Variants in CRYM observed in about 807,000 individuals in gnomAD.
CRYM encodes the protein ketimine reductase mu-crystallin.
CRYM carries 18 observed loss-of-function variants against 32.9 expected under a neutral mutation model. That is an observed-to-expected ratio of 0.55 (90% confidence interval 0.38 to 0.81). CRYM has a LOEUF of 0.81. Ranked by LOEUF, CRYM falls within the 30% of genes least tolerant of loss-of-function variation. The probability of loss-of-function intolerance (pLI) is 0.00; values close to 1 mark genes in which losing one functional copy is unlikely to be tolerated. For synonymous variants in CRYM, 153 were observed against 152.4 expected (o/e 1.00, Z -0.03); for missense variants, 337 against 393.5 (o/e 0.86, Z 1.21).
chr16:21,262,249 T>G, intron 5 of CRYM, 91 bp from the exon 6 acceptor site: 1 of 1,524,782 alleles, frequency 6.6e-7, no homozygotes, highest in Non-Finnish European at 9.0e-7. Context: ...AACAAAGGAC[T>G]CGTGAACACA....
At position 21,277,414 on chromosome 16, in the gene CRYM, G is replaced by A; in HGVS notation, c.324+17C>T. On this transcript the variant is annotated intron_variant, in intron 2 of 7. Transcript: ENST00000572914. The surrounding 1 kb of genome is among the most constrained non-coding windows in gnomAD (Gnocchi z 4.2). Reference sequence around the variant, plus strand: ...GCCCAGGGGCCCCATTCCACCCCGGGACAGGAAGTTGCTCACCGCCAGCAG... The same window carrying A: ...GCCCAGGGGCCCCATTCCACCCCGGAACAGGAAGTTGCTCACCGCCAGCAG... 1 of 1,611,858 alleles carries A rather than the reference G, an allele frequency of 6.2e-7. No homozygotes were observed.
At chr16:21,280,501 G>A (rs1474240061), upstream of CRYM, among the ~76,000 whole-genome samples, 1 of 152,106 alleles carries the variant, frequency 6.6e-6, no homozygotes, top group Non-Finnish European at 1.5e-5. Flanking sequence ...CAGCCATGAT[G>A]GGATGGCAAA....
At chr16:21,270,049 C>G (rs1347036795) in intron 3 of CRYM, among the ~76,000 whole-genome samples, 158 bp from the exon 4 acceptor site, 1 of 152,102 alleles carries the variant, frequency 6.6e-6, no homozygotes, top group Admixed American at 6.5e-5. Flanking sequence ...TCTAGTTTCC[C>G]CCGTATCAAG....
intron 1 of CRYM, among the ~76,000 whole-genome samples, chr16:21,294,912 G>A (rs1960756317): frequency 6.6e-6 from 1 of 151,896 alleles, no homozygotes; most frequent in Non-Finnish European, 1.5e-5. Flanking sequence ...GGCCAGGATG[G>A]TCTCGATCTC....
At chr16:21,270,112 T>C (rs1284422575) in intron 3 of CRYM, among the ~76,000 whole-genome samples, 2 of 152,186 alleles carry the variant, frequency 1.3e-5, no homozygotes, top group Non-Finnish European at 1.5e-5. Flanking sequence ...GCCAATGCTT[T>C]GCCCCCATGA....
intron 7 of CRYM, among the ~76,000 whole-genome samples, chr16:21,260,065 TTTTAAAGACA>T (rs1243178443): frequency 6.6e-6 from 1 of 152,098 alleles, no homozygotes; most frequent in Non-Finnish European, 1.5e-5. Context: ...GCATGAGAGA[TTTTAAAGACA>T]TTTACCAACC....
chr16:21,275,419 G>T, intron 3 of CRYM, 113 bp downstream of exon 3: 1 of 863,812 alleles, frequency 1.2e-6, no homozygotes, highest in Non-Finnish European at 1.9e-6. Flanking sequence ...TTCCAGCTAT[G>T]TCCAACAGGA....
At chr16:21,278,545 C>G, upstream of CRYM, 1 of 520,422 alleles carries the variant, frequency 1.9e-6, no homozygotes, top group Non-Finnish European at 3.5e-6. Context: ...TTCCTGTAAT[C>G]AGCTGTAGCC....
At chr16:21,292,844 T>C (rs1960695458) in intron 1 of CRYM, among the ~76,000 whole-genome samples, 1 of 152,146 alleles carries the variant, frequency 6.6e-6, no homozygotes, top group Non-Finnish European at 1.5e-5. Flanking sequence ...CAAACTATAC[T>C]TTTTTAATTG....
chr16:21,290,630 T>C (rs1353817311), intron 1 of CRYM, among the ~76,000 whole-genome samples: 1 of 152,222 alleles, frequency 6.6e-6, no homozygotes, highest in Non-Finnish European at 1.5e-5. Context: ...TTTCCAGTAA[T>C]TTGAACTCAG....
In CRYM at chr16:21,269,366, T is replaced by G. The variant is rs574202757; in HGVS notation, c.489+424A>C. Among the ~76,000 whole-genome samples, 31 of 152,244 alleles carry G rather than the reference T, an allele frequency of 2.0e-4. No individual in the cohort carries two copies. In the East Asian group the frequency reaches 3.5e-3, roughly 17 times the overall value. ...GGGGAAGGTGGACCAGTATGGAGAC[T>G]GCAAAAGAGAGAGGCTGTGGCCTCC... On this transcript the variant is annotated intron_variant, in intron 4 of 7. Coordinates refer to ENST00000572914, the MANE Select transcript of CRYM (RefSeq NM_001376256.1).
intron 1 of CRYM, among the ~76,000 whole-genome samples, chr16:21,285,048 A>AT (rs1486857224): frequency 1.3e-5 from 2 of 151,942 alleles, no homozygotes; most frequent in East Asian, 3.9e-4. Flanking sequence ...TTTTTCATAT[A>AT]TTTTTTGGTT....
In CRYM at chr16:21,258,795, A is replaced by G. The variant is rs984911894; in HGVS notation, c.931T>C (p.Ser311Pro). ...GTTCCTTTGTTTTATTTACCAGATG[A>G]CCAGGAATCATAGATGAGTTTGGCT... is the stretch of plus-strand genomic sequence containing the variant. Reference protein sequence around the residue: ...VAAKLIYDSWSSGK With the variant: ...VAAKLIYDSWPSGK The change falls in exon 8 of 8, where the codon TCA becomes CCA. Residue 311 changes from serine to proline, a missense_variant. Ser to Pro is a moderately conservative substitution (Grantham distance 74). Transcript: ENST00000572914. 2 of 1,613,884 alleles carry G rather than the reference A, an allele frequency of 1.2e-6. No individual in the cohort carries two copies. The highest frequency in any genetic ancestry group is 1.3e-5 in the African/African-American group (1 of 74,926).
At chr16:21,286,256 C>T (rs1379223559) in intron 1 of CRYM, among the ~76,000 whole-genome samples, 4 of 149,678 alleles carry the variant, frequency 2.7e-5, no homozygotes, top group South Asian at 2.1e-4. Context: ...CTCACTCTAT[C>T]GCCCAGGCTG....
At position 21,278,253 on chromosome 16, in the gene CRYM, T is replaced by G; in HGVS notation, c.-2A>C. On this transcript the variant is annotated 5_prime_UTR_variant, in exon 1 of 8. Transcript: ENST00000572914. Reference sequence around the variant, plus strand: ...CAGGAACGCTGGTACCCGGCTCATCTCGCCACCTGTGCCTTCTAACCTCAG... The same window carrying G: ...CAGGAACGCTGGTACCCGGCTCATCGCGCCACCTGTGCCTTCTAACCTCAG... 1.9e-6 allele frequency: 3 copies of G among 1,584,848 alleles called. No homozygotes were observed. In the East Asian group the frequency reaches 7.0e-5, roughly 37 times the overall value.
intron 4 of CRYM, 72 bp downstream of exon 4, chr16:21,269,718 C>T (rs2093370987): frequency 2.1e-6 from 2 of 966,382 alleles, no homozygotes; most frequent in Non-Finnish European, 3.4e-6. Flanking sequence ...ACCTGTGGTG[C>T]AGTGAAGCAG....
rs773493998 is a variant in CRYM at position 21,278,224 on chromosome 16, C to T, written c.28G>A (p.Ala10Thr). The change falls in exon 1 of 8, where the codon GCG becomes ACG. Residue 10 changes from alanine (A) to threonine (T), a missense_variant. Ala to Thr is a moderately conservative substitution (Grantham distance 58). Transcript: ENST00000572914. MSRVPAFLS[A>T]AEVEEHLRSS... ...CGGAGGTGTTCCTCCACCTCGGCCG[C>T]GCTCAGGAACGCTGGTACCCGGCTC... The T allele has an allele frequency of 3.8e-6, 6 of 1,575,272 alleles. No individual in the cohort carries two copies. The South Asian group carries it at 7.0e-5, about 18-fold the overall frequency.
upstream of CRYM, among the ~76,000 whole-genome samples, chr16:21,279,683 T>C (rs923945264): frequency 2.0e-5 from 3 of 152,190 alleles, no homozygotes; most frequent in Non-Finnish European, 4.4e-5. Flanking sequence ...GAGCAGAGCC[T>C]GGGAGAAGGT....
intron 1 of CRYM, among the ~76,000 whole-genome samples, chr16:21,294,838 G>A (rs1485676776): frequency 6.6e-6 from 1 of 151,686 alleles, no homozygotes; most frequent in East Asian, 1.9e-4. Context: ...GGGACTACAG[G>A]CACACACCAC....
Sources: gnomAD v4.1 joint callset for allele counts (sites outside exome capture counted in the v4.1 genomes callset) on GRCh38, gnomAD v4.1.1 for gene constraint, Gnocchi (gnomAD v3.1) non-coding constraint, MANE v1.5 for transcripts, NCBI Gene and HGNC (gene_info 2026-07-23, HGNC 2026-07-21) for gene names.